The following ZNF532 variants were observed in gnomAD, a reference collection of about 807,000 sequenced individuals.
The protein encoded by ZNF532 is zinc finger protein 532.
A neutral mutation model predicts 89.3 loss-of-function variants in ZNF532; 22 were observed. The observed-to-expected ratio is 0.25, with a 90% confidence interval of 0.18 to 0.35. The LOEUF (loss-of-function observed/expected upper bound fraction) is 0.35, where lower values mean the gene tolerates loss of function less well. Ranked by LOEUF, ZNF532 falls within the 10% of genes least tolerant of loss-of-function variation. ZNF532 has a pLI of 1.00. For synonymous variants in ZNF532, 606 were observed against 649.6 expected, an observed-to-expected ratio of 0.93 and a Z score of 1.02; for missense variants, 1,132 against 1,643.4, an observed-to-expected ratio of 0.69 and a Z score of 5.38.
intron 7 of ZNF532, among the ~76,000 whole-genome samples, chr18:58,973,021 A>G: frequency 6.6e-6 from 1 of 152,210 alleles, no homozygotes; most frequent in Non-Finnish European, 1.5e-5. Flanking sequence ...TAATTAAAAA[A>G]CAACAAAACT....
chr18:58,934,658 T>TA, intron 4 of ZNF532, 44 bp downstream of exon 4: 1 of 1,573,780 alleles, frequency 6.4e-7, no homozygotes, highest in Non-Finnish European at 8.7e-7. Context: ...CTCGTTCACT[T>TA]ACAACCGCAC....
At chr18:58,921,159 G>C (rs1182798709) in intron 3 of ZNF532, among the ~76,000 whole-genome samples, 1 of 151,458 alleles carries the variant, frequency 6.6e-6, no homozygotes, top group Non-Finnish European at 1.5e-5. Flanking sequence ...TTTTTGAGGG[G>C]AGGATAATAT....
In ZNF532 at chr18:58,895,937, G is replaced by T. The variant is rs117357382; in HGVS notation, c.-17-22334G>T. 8.2e-4 allele frequency among the ~76,000 whole-genome samples: 123 copies of T among 150,798 alleles called. 1 individual carries two copies. The East Asian group carries it at 0.022, about 27-fold the overall frequency. ...ATGATCATAGCTCACTGGCAGCCTT[G>T]AGCTCCTGGCCTCAAACGGTCCTCC... On this transcript the variant is annotated intron_variant, in intron 2 of 9. Transcript: ENST00000591808.
chr18:58,879,003 C>A (rs2057665875), intron 2 of ZNF532, among the ~76,000 whole-genome samples: 1 of 152,226 alleles, frequency 6.6e-6, no homozygotes, highest in East Asian at 1.9e-4. Context: ...CACCTGTAGT[C>A]CTCTGTCCTA....
chr18:58,951,881 C>T (rs2064232651), intron 6 of ZNF532, among the ~76,000 whole-genome samples: 1 of 152,040 alleles, frequency 6.6e-6, no homozygotes, highest in Non-Finnish European at 1.5e-5. Context: ...GATCTCCTGA[C>T]CTCGTGATCC....
At chr18:58,911,282 G>A (rs1046231257) in intron 2 of ZNF532, among the ~76,000 whole-genome samples, 5 of 152,208 alleles carry the variant, frequency 3.3e-5, no homozygotes, top group African/African-American at 9.6e-5. Flanking sequence ...GTGGAGGATC[G>A]GCTTGGCAAA....
intron 2 of ZNF532, among the ~76,000 whole-genome samples, chr18:58,888,870 T>A (rs1318630001): frequency 1.9e-5 from 1 of 51,404 alleles, no homozygotes; most frequent in South Asian, 6.5e-4. Context: ...ATATATATAA[T>A]ATATATTATA....
rs141182495 is a variant in ZNF532, at chr18:58,897,642, A to G, written c.-17-20629A>G. On this transcript the variant is annotated intron_variant, in intron 2 of 9. Transcript: ENST00000591808. ...GCAGAGCAATTTTTAAGTTGTTTAC[A>G]TCGAGGGAAGAGATGTAAAGTTAAG... is the stretch of plus-strand genomic sequence containing the variant. Among the ~76,000 whole-genome samples the G allele has an allele frequency of 1.1e-4, 16 of 152,308 alleles. No homozygotes were observed. In the East Asian group the frequency reaches 2.9e-3, roughly 28 times the overall value.
Position 58,934,593 on chromosome 18 carries a change from A to G in ZNF532, c.2507A>G (p.Tyr836Cys), listed in dbSNP as rs1334738836. 1 of 1,613,874 alleles carries G rather than the reference A, an allele frequency of 6.2e-7. No homozygotes were observed. Residue 836 changes from tyrosine to cysteine, a missense_variant, in exon 4 of 10, where the codon TAC (tyrosine) becomes TGC (cysteine). Tyr to Cys is a radical substitution (Grantham distance 194). Around this residue, in one of 9 missense-constraint regions of ZNF532, gnomAD observed 415 missense variants for 604.8 expected, o/e 0.69. Coordinates refer to ENST00000591808, the MANE Select transcript of ZNF532 (RefSeq NM_001375912.1). ...QTHVTKNCLH[Y>C]TRRVGFRCVH... The stretch of plus-strand genomic sequence containing the variant: ...CACGTCACCAAGAACTGTCTGCACT[A>G]CACGAGGAGAGTTGGTTTTCGGTCA...
At chr18:58,869,003 AGTTT>A (rs2056735688) in intron 2 of ZNF532, among the ~76,000 whole-genome samples, 7 of 152,222 alleles carry the variant, frequency 4.6e-5, no homozygotes, top group African/African-American at 1.7e-4. Flanking sequence ...TACTGTAGGC[AGTTT>A]TAATACAGTG....
intron 5 of ZNF532, 72 bp downstream of exon 5, chr18:58,939,693 CT>C: frequency 7.0e-7 from 1 of 1,420,100 alleles, no homozygotes; most frequent in Non-Finnish European, 9.6e-7. Context: ...AGTAGTCGTT[CT>C]ATTGAATAAC....
intron 2 of ZNF532, among the ~76,000 whole-genome samples, chr18:58,868,739 G>A (rs181276772): frequency 5.1e-4 from 77 of 152,310 alleles, no homozygotes; most frequent in Middle Eastern, 3.4e-3. Context: ...GTTGCTGTAA[G>A]CATTTGTGTG....
At chr18:58,909,892 A>C (rs1296729709) in intron 2 of ZNF532, among the ~76,000 whole-genome samples, 1 of 152,302 alleles carries the variant, frequency 6.6e-6, no homozygotes, top group East Asian at 1.9e-4. Context: ...CCTTTGTATT[A>C]TGTCACATAG....
In ZNF532 at chr18:58,979,015, A is replaced by G. The variant is rs141631111; in HGVS notation, c.3151-40A>G. 1,002 of 1,518,462 alleles carry G rather than the reference A, an allele frequency of 6.6e-4. 8 individuals carry two copies. The African/African-American group carries it at 0.012, about 18-fold the overall frequency. The allele number at this position is 1,518,462 out of a possible 1,614,324, so 94.1% of individuals were successfully genotyped here. The stretch of plus-strand genomic sequence containing the variant: ...AGTTCTTAATTGTTTGAGTGCATCT[A>G]TTTTCATTCCCTTAAGTGAACTTTC... On this transcript the variant is annotated intron_variant, in intron 7 of 9. Transcript: ENST00000591808.
At chr18:58,925,307 T>C in intron 3 of ZNF532, among the ~76,000 whole-genome samples, 1 of 152,222 alleles carries the variant, frequency 6.6e-6, no homozygotes, top group African/African-American at 2.4e-5. Flanking sequence ...TTTAGCCATT[T>C]TGATAGATGT....
At position 58,875,995 on chromosome 18, in the gene ZNF532, C is replaced by T. The variant is rs933194422; in HGVS notation, c.-18+10416C>T. ...TCGCCCAGGCTGGAGTGCAGTGGCG[C>T]GATCTCGACTCACTGCAAGCTCTGC... is the stretch of plus-strand genomic sequence containing the variant. On this transcript the variant is annotated intron_variant, in intron 2 of 9. Coordinates refer to ENST00000591808, the MANE Select transcript of ZNF532 (RefSeq NM_001375912.1). Among the ~76,000 whole-genome samples, 20 of 144,218 alleles carry T rather than the reference C, an allele frequency of 1.4e-4. 1 individual carries two copies. The highest frequency in any genetic ancestry group is 3.9e-3 in the Middle Eastern group (1 of 254). 94.6% of individuals were successfully genotyped at this position (144,218 alleles called of 152,430 possible). A position where few individuals can be genotyped will look rare whatever the true frequency, so the allele number is the denominator to read the frequency against.
At chr18:58,904,203 T>G (rs538969374) in intron 2 of ZNF532, among the ~76,000 whole-genome samples, 128 of 151,926 alleles carry the variant, frequency 8.4e-4, no homozygotes, top group Middle Eastern at 3.4e-3. Context: ...ATATAAAAAT[T>G]AGTCAGGTGT....
chr18:58,904,417 A>AT (rs2059794886), intron 2 of ZNF532, among the ~76,000 whole-genome samples: 2 of 152,012 alleles, frequency 1.3e-5, no homozygotes, highest in African/African-American at 2.4e-5. Context: ...TTTTACCATG[A>AT]TTAAAAAAAG....
At chr18:58,900,291 G>T (rs1226059461) in intron 2 of ZNF532, among the ~76,000 whole-genome samples, 1 of 152,206 alleles carries the variant, frequency 6.6e-6, no homozygotes, top group Non-Finnish European at 1.5e-5. Flanking sequence ...CCATGCTTCT[G>T]CCTGGGGGAT....
Sources: allele counts gnomAD v4.1 joint callset (sites outside exome capture counted in the v4.1 genomes callset), GRCh38; gene constraint gnomAD v4.1.1; regional missense constraint gnomAD v4.1.1; transcripts MANE v1.5; gene names NCBI Gene and HGNC (gene_info 2026-07-23, HGNC 2026-07-21).